Variants in MBTD1 observed in about 807,000 individuals in gnomAD.
MBTD1 encodes the protein mbt domain containing 1.
Under a neutral mutation model 87.8 loss-of-function variants are expected in MBTD1, and 24 were observed. The ratio of observed to expected loss-of-function variants is 0.27; its 90% confidence interval spans 0.20 to 0.38. MBTD1 has a LOEUF of 0.38. MBTD1 is among the 10% of genes least tolerant of loss of function. The pLI is 1.00. For synonymous variants in MBTD1, 237 were observed against 248.6 expected (o/e 0.95, Z 0.44); for missense variants, 436 against 760.2 (o/e 0.57, Z 5.02).
chr17:51,241,238 T>C (rs1027507585), intron 2 of MBTD1, among the ~76,000 whole-genome samples: 1 of 152,144 alleles, frequency 6.6e-6, no homozygotes, highest in East Asian at 1.9e-4. Context: ...CCTCCCAAAG[T>C]GCTGGGATTA....
chr17:51,224,927 G>C, intron 3 of MBTD1, 81 bp downstream of exon 3: 1 of 830,338 alleles, frequency 1.2e-6, no homozygotes, highest in Admixed American at 3.8e-5. Flanking sequence ...TTCTAAGGAA[G>C]GGGAAATGAC....
intron 2 of MBTD1, among the ~76,000 whole-genome samples, chr17:51,232,534 G>A (rs2053603405): frequency 6.6e-6 from 1 of 151,982 alleles, no homozygotes; most frequent in Admixed American, 6.6e-5. Context: ...TATTAGACAT[G>A]GCTAAAGAGA....
chr17:51,195,495 G>T, intron 12 of MBTD1, 134 bp from the exon 13 acceptor site: 2 of 604,634 alleles, frequency 3.3e-6, no homozygotes, highest in Non-Finnish European at 2.7e-6. Flanking sequence ...TCTCTATTGA[G>T]TTATGTTAAA....
At chr17:51,233,651 A>C (rs968414361) in intron 2 of MBTD1, among the ~76,000 whole-genome samples, 1 of 152,098 alleles carries the variant, frequency 6.6e-6, no homozygotes, top group African/African-American at 2.4e-5. Flanking sequence ...AGATGGGAAC[A>C]AAGTTACATA....
At chr17:51,243,601 A>G (rs924560633) in intron 2 of MBTD1, among the ~76,000 whole-genome samples, 7 of 152,198 alleles carry the variant, frequency 4.6e-5, no homozygotes, top group South Asian at 2.1e-4. Context: ...AACTGACTCA[A>G]TATCTTTATA....
intron 7 of MBTD1, among the ~76,000 whole-genome samples, 154 bp downstream of exon 7, chr17:51,206,734 T>G (rs2051862442): frequency 6.6e-6 from 1 of 152,216 alleles, no homozygotes; most frequent in Non-Finnish European, 1.5e-5. Context: ...AATATTTGTT[T>G]GGCTTTTCAC....
Position 51,260,025 on chromosome 17 carries a change from G to C in MBTD1, c.-303C>G, listed in dbSNP as rs1387591197. The C allele has an allele frequency of 2.2e-6, 1 of 446,394 alleles. No individual in the cohort carries two copies. Among genetic ancestry groups the C allele is most frequent in the Non-Finnish European group, 3.7e-6 (1 of 271,522 alleles). 27.7% of individuals were successfully genotyped at this position (446,394 alleles called of 1,614,324 possible). A position where few individuals can be genotyped will look rare whatever the true frequency, so the allele number is the denominator to read the frequency against. ...CCCGGATTTCCCCCCTTTAACTCGG[G>C]TGGCCCCAGGATATCAACAACATTA... On this transcript the variant is annotated 5_prime_UTR_variant, in exon 1 of 17. Transcript: ENST00000586178.
chr17:51,228,619 A>C (rs2053376567), intron 2 of MBTD1, among the ~76,000 whole-genome samples: 2 of 151,964 alleles, frequency 1.3e-5, no homozygotes, highest in South Asian at 4.2e-4. Flanking sequence ...AAAAAAAAAA[A>C]AAATTGGGAG....
intron 2 of MBTD1, among the ~76,000 whole-genome samples, chr17:51,248,076 CGTT>C (rs1041014342): frequency 2.6e-5 from 4 of 152,034 alleles, no homozygotes; most frequent in African/African-American, 7.3e-5. Flanking sequence ...GTTATTTTCC[CGTT>C]GTTATTTCTT....
intron 16 of MBTD1, chr17:51,191,993 T>C (rs1045117971): frequency 7.0e-6 from 4 of 568,440 alleles, no homozygotes; most frequent in Non-Finnish European, 1.2e-5. Context: ...ATACTTTAAA[T>C]ACTGTGGTAA....
chr17:51,260,501 T>C (rs934967180), upstream of MBTD1: 13 of 1,436,350 alleles, frequency 9.1e-6, no homozygotes, highest in Non-Finnish European at 1.2e-5. Context: ...CCCCGGGGCT[T>C]CGGCGGCGGC....
rs763036687 is a variant in MBTD1 at position 51,224,997 on chromosome 17, T to C, written c.154+11A>G. 2 of 1,531,178 alleles carry C rather than the reference T, an allele frequency of 1.3e-6. No individual in the cohort carries two copies. The highest frequency in any genetic ancestry group is 2.8e-5 in the African/African-American group (2 of 72,430). 94.8% of individuals were successfully genotyped at this position (1,531,178 alleles called of 1,614,324 possible). A position where few individuals can be genotyped will look rare whatever the true frequency, so the allele number is the denominator to read the frequency against. ...AAAGCTGTAGAACAGGTGAAGGTTA[T>C]AAATACTCACCCATGCCAGATTTAC... On this transcript the variant is annotated intron_variant, in intron 3 of 16. Transcript: ENST00000586178.
chr17:51,222,545 C>T (rs1301691166), intron 3 of MBTD1, among the ~76,000 whole-genome samples: 1 of 151,926 alleles, frequency 6.6e-6, no homozygotes, highest in Non-Finnish European at 1.5e-5. Context: ...GCTGGGACTA[C>T]AGGCACACGC....
At chr17:51,260,277 G>C (rs2144366846), upstream of MBTD1, 1 of 496,142 alleles carries the variant, frequency 2.0e-6, no homozygotes, top group Non-Finnish European at 3.5e-6. Flanking sequence ...CCAGTGTATA[G>C]TCGGGGTTTC....
At chr17:51,194,954 C>A (rs2051014558) in intron 13 of MBTD1, among the ~76,000 whole-genome samples, 1 of 152,108 alleles carries the variant, frequency 6.6e-6, no homozygotes, top group African/African-American at 2.4e-5. Context: ...ACTGACTCAA[C>A]AGAGTTTGAG....
intron 2 of MBTD1, among the ~76,000 whole-genome samples, chr17:51,254,531 T>C (rs144510889): frequency 2.0e-5 from 3 of 152,312 alleles, no homozygotes; most frequent in Non-Finnish European, 2.9e-5. Context: ...ATATTCTACA[T>C]AGCAATATTT....
chr17:51,198,532 C>A (rs911460591), intron 12 of MBTD1, among the ~76,000 whole-genome samples: 4 of 152,212 alleles, frequency 2.6e-5, no homozygotes, highest in African/African-American at 4.8e-5. Flanking sequence ...TTCCTTTCTT[C>A]ATTCTTCTAA....
At chr17:51,216,734 A>T (rs937632039) in intron 6 of MBTD1, among the ~76,000 whole-genome samples, 1 of 152,214 alleles carries the variant, frequency 6.6e-6, no homozygotes, top group African/African-American at 2.4e-5. Flanking sequence ...TTGATATACA[A>T]TACTAGCAAT....
chr17:51,224,042 G>C (rs2143687755), intron 3 of MBTD1, among the ~76,000 whole-genome samples: 1 of 152,314 alleles, frequency 6.6e-6, no homozygotes, highest in African/African-American at 2.4e-5. Context: ...TTGGTGGCAT[G>C]AATGGAAACA....
Sources: allele counts gnomAD v4.1 joint callset (sites outside exome capture counted in the v4.1 genomes callset), GRCh38; gene constraint gnomAD v4.1.1; transcripts MANE v1.5; gene names NCBI Gene and HGNC (gene_info 2026-07-23, HGNC 2026-07-21).